The following CD247 variants were observed in gnomAD, a reference collection of about 807,000 sequenced individuals.
The protein encoded by CD247 is CD247 molecule, also known as T-cell surface glycoprotein CD3 zeta chain.
CD247 carries 13 observed loss-of-function variants against 30.0 expected under a neutral mutation model. That is an observed-to-expected ratio of 0.43 (90% confidence interval 0.28 to 0.69). The LOEUF is 0.69. Among genes scored for constraint, CD247 ranks in the 30% least tolerant of loss-of-function variants. The pLI, the probability that CD247 is intolerant of heterozygous loss-of-function variation, is 0.16. For missense variants in CD247, 193 were observed against 212.6 expected, an observed-to-expected ratio of 0.91 and a Z score of 0.57; for synonymous variants, 72 against 80.0, an observed-to-expected ratio of 0.90 and a Z score of 0.53.
In CD247 at chr1:167,434,075, T is replaced by A; in HGVS notation, c.338A>T (p.Glu113Val). ...RKNPQEGLYN[E>V]LQKDKMAEAY... ...CTCCGCCATCTTATCTTTCTGCAGTTCCTGCAGAAGAGGGCGTGGAACACT... is the reference window on the plus strand; with the variant it reads ...CTCCGCCATCTTATCTTTCTGCAGTACCTGCAGAAGAGGGCGTGGAACACT... The change falls in exon 6 of 8, where the codon GAA becomes GTA. Residue 113 changes from glutamate (E) to valine (V), a missense_variant and splice_region_variant. Coordinates refer to ENST00000362089, the MANE Select transcript of CD247 (RefSeq NM_198053.3). 1 of 1,613,178 alleles carries A rather than the reference T, an allele frequency of 6.2e-7. No homozygotes were observed. Among genetic ancestry groups the A allele is most frequent in the South Asian group, 1.1e-5 (1 of 91,040 alleles).
At chr1:167,500,040 T>A (rs1654842285) in intron 1 of CD247, among the ~76,000 whole-genome samples, 2 of 152,202 alleles carry the variant, frequency 1.3e-5, no homozygotes, top group Non-Finnish European at 2.9e-5. Flanking sequence ...TTCCACATTA[T>A]CACTGCCTAT....
At chr1:167,480,766 A>C (rs572097937) in intron 1 of CD247, among the ~76,000 whole-genome samples, 25 of 152,340 alleles carry the variant, frequency 1.6e-4, no homozygotes, top group Non-Finnish European at 2.8e-4. Flanking sequence ...AAACAGTTGA[A>C]AGCATTTTTA....
chr1:167,433,207 C>T (rs1453168921), intron 6 of CD247, 148 bp from the exon 7 acceptor site: 8 of 787,062 alleles, frequency 1.0e-5, no homozygotes, highest in Non-Finnish European at 1.8e-5. Context: ...GAGAAGGATC[C>T]TCAGGCCCCT....
At chr1:167,516,463 A>C (rs547648712) in intron 1 of CD247, among the ~76,000 whole-genome samples, 1 of 152,338 alleles carries the variant, frequency 6.6e-6, no homozygotes, top group African/African-American at 2.4e-5. Context: ...TTTAAAAGGG[A>C]TGTATGCAAT....
At chr1:167,515,561 G>A (rs1655568557) in intron 1 of CD247, among the ~76,000 whole-genome samples, 1 of 152,192 alleles carries the variant, frequency 6.6e-6, no homozygotes, top group Non-Finnish European at 1.5e-5. Context: ...TTTACTTCGG[G>A]AGAATATTCC....
In CD247 at chr1:167,470,278, A is replaced by G. The variant is rs557367793; in HGVS notation, c.59-29511T>C. On this transcript the variant is annotated intron_variant, in intron 1 of 7. Transcript: ENST00000362089. ...CCCCACCATTTAGATCTACAGCCCC[A>G]GTTCTCTCCTGAAATCCAGACTCGA... Among the ~76,000 whole-genome samples the G allele has an allele frequency of 5.9e-5, 9 of 152,224 alleles. No individual in the cohort carries two copies. In the South Asian group the frequency reaches 8.3e-4, roughly 14 times the overall value.
chr1:167,448,316 A>G (rs980888479), intron 1 of CD247: 2 of 977,074 alleles, frequency 2.0e-6, no homozygotes, highest in African/African-American at 1.8e-5. Context: ...TCCACAGTCC[A>G]GGTCTTAACC....
chr1:167,453,191 A>G (rs921932499), intron 1 of CD247, among the ~76,000 whole-genome samples: 1 of 152,120 alleles, frequency 6.6e-6, no homozygotes, highest in African/African-American at 2.4e-5. Context: ...TTCAGTTTAC[A>G]AAACCCTTTT....
chr1:167,438,490 G>C (rs573677787), intron 4 of CD247, 80 bp downstream of exon 4: 206 of 1,118,538 alleles, frequency 1.8e-4, no homozygotes, highest in Non-Finnish European at 2.7e-4. Flanking sequence ...TGCAGAGTGA[G>C]CTGAGGAGCC....
intron 1 of CD247, among the ~76,000 whole-genome samples, chr1:167,451,228 T>C (rs1208457265): frequency 6.6e-6 from 1 of 152,184 alleles, no homozygotes; most frequent in Non-Finnish European, 1.5e-5. Context: ...CAGTGGCTTT[T>C]ACTCTGAATG....
intron 4 of CD247, among the ~76,000 whole-genome samples, chr1:167,438,018 CAGAG>C (rs1222270208): frequency 4.3e-5 from 6 of 139,770 alleles, no homozygotes; most frequent in Non-Finnish European, 7.5e-5. Flanking sequence ...TAAATAAAGA[CAGAG>C]GAAGGAAGGA....
intron 1 of CD247, among the ~76,000 whole-genome samples, chr1:167,461,956 G>A (rs2995089): frequency 0.26 from 40,217 of 152,146 alleles, 6,682 homozygotes; most frequent in Middle Eastern, 0.41. Context: ...AAATCACTCT[G>A]CATTCTTCAG....
At chr1:167,481,155 C>CTACCAA (rs1244328180) in intron 1 of CD247, among the ~76,000 whole-genome samples, 1 of 152,128 alleles carries the variant, frequency 6.6e-6, no homozygotes, top group Non-Finnish European at 1.5e-5. Context: ...TGTGTGGTGG[C>CTACCAA]ATGTTCATGT....
chr1:167,454,293 G>T (rs960250158), intron 1 of CD247, among the ~76,000 whole-genome samples: 7 of 152,192 alleles, frequency 4.6e-5, no homozygotes, highest in Non-Finnish European at 1.0e-4. Context: ...GCCACGGGAG[G>T]GGGAGGCTGG....
chr1:167,450,493 CA>C lies in CD247; in HGVS notation c.59-9727del, dbSNP rs34119026. On this transcript the variant is annotated intron_variant, in intron 1 of 7. Transcript: ENST00000362089. Reference sequence around the variant, plus strand: ...TGGTTGACAGAGTGAGACCCTGTCTCAAAAAAAAATAAGTGAATAAATAATA... The same window carrying C: ...TGGTTGACAGAGTGAGACCCTGTCTCAAAAAAAATAAGTGAATAAATAATA... Among the ~76,000 whole-genome samples, 33 of 147,110 alleles carry C rather than the reference CA, an allele frequency of 2.2e-4. No individual in the cohort carries two copies. In the East Asian group the frequency reaches 5.1e-3, roughly 23 times the overall value.
chr1:167,511,221 A>G (rs1655373505), intron 1 of CD247, among the ~76,000 whole-genome samples: 1 of 152,216 alleles, frequency 6.6e-6, no homozygotes. Flanking sequence ...CTTTTAGAGA[A>G]TCTCATACAC....
chr1:167,447,469 A>T (rs371539249), intron 1 of CD247, among the ~76,000 whole-genome samples: 1 of 152,136 alleles, frequency 6.6e-6, no homozygotes, highest in African/African-American at 2.4e-5. Context: ...GAGTTAAAAA[A>T]AAAACTTTGA....
At chr1:167,478,360 G>A (rs185932956) in intron 1 of CD247, among the ~76,000 whole-genome samples, 39 of 152,300 alleles carry the variant, frequency 2.6e-4, no homozygotes, top group Admixed American at 2.0e-3. Flanking sequence ...AAGGGCCTTC[G>A]GAACATGAAG....
intron 1 of CD247, among the ~76,000 whole-genome samples, chr1:167,454,825 CA>C (rs1020650627): frequency 5.3e-5 from 8 of 152,158 alleles, no homozygotes; most frequent in African/African-American, 1.7e-4. Flanking sequence ...CAAGGGAGGA[CA>C]GGGGCGGAGG....
Sources: allele counts gnomAD v4.1 joint callset (sites outside exome capture counted in the v4.1 genomes callset), GRCh38; gene constraint gnomAD v4.1.1; transcripts MANE v1.5; gene names NCBI Gene and HGNC (gene_info 2026-07-23, HGNC 2026-07-21).